The following SMYD5 variants were observed in gnomAD, a reference collection of about 807,000 sequenced individuals.
SMYD5 encodes the protein SMYD family member 5, also known as protein-lysine N-trimethyltransferase SMYD5.
Under a neutral mutation model 57.4 loss-of-function variants are expected in SMYD5, and 35 were observed. That is an observed-to-expected ratio of 0.61 (90% CI 0.47 to 0.81). The LOEUF (loss-of-function observed/expected upper bound fraction) is 0.81, where lower values mean the gene tolerates loss of function less well. Among genes scored for constraint, SMYD5 ranks in the 30% least tolerant of loss-of-function variants. The probability of loss-of-function intolerance (pLI) is 0.00; values close to 1 mark genes in which losing one functional copy is unlikely to be tolerated. For missense variants in SMYD5, 471 were observed against 527.9 expected (o/e 0.89, Z 1.06); for synonymous variants, 198 against 189.7 (o/e 1.04, Z -0.36).
At chr2:73,216,657 T>C (rs1315152781) in intron 1 of SMYD5, among the ~76,000 whole-genome samples, 2 of 152,182 alleles carry the variant, frequency 1.3e-5, no homozygotes. Flanking sequence ...GTCGTGCTAC[T>C]GCACTCCAGC....
At chr2:73,225,530 C>T (rs1686483295) in intron 11 of SMYD5, 101 bp from the exon 12 acceptor site, 20 of 1,123,766 alleles carry the variant, frequency 1.8e-5, no homozygotes, top group Non-Finnish European at 2.5e-5. Context: ...AACTTGGCTC[C>T]TAGAGATGGG....
chr2:73,224,598 C>T (rs1220115928), intron 10 of SMYD5, among the ~76,000 whole-genome samples: 1 of 152,178 alleles, frequency 6.6e-6, no homozygotes, highest in East Asian at 1.9e-4. Flanking sequence ...AGAGCCCTGT[C>T]CCTCCCTTTG....
chr2:73,226,322 CTGT>C lies in SMYD5; in HGVS notation c.*379_*381del, dbSNP rs975019300. 2 of 208,550 alleles carry C rather than the reference CTGT, an allele frequency of 9.6e-6. No individual in the cohort carries two copies. Among genetic ancestry groups the C allele is most frequent in the African/African-American group, 4.6e-5 (2 of 43,448 alleles). 12.9% of individuals were successfully genotyped at this position (208,550 alleles called of 1,614,324 possible). A position where few individuals can be genotyped will look rare whatever the true frequency, so the allele number is the denominator to read the frequency against. On this transcript the variant is annotated 3_prime_UTR_variant, in exon 13 of 13. Transcript: ENST00000389501. The stretch of plus-strand genomic sequence containing the variant: ...CTGAGGCTTCTCCCCTCTCAACTTG[CTGT>C]TGATTTCTTTTGAGGGGTAAAAGAA...
chr2:73,223,686 C>T (rs1294478269), intron 9 of SMYD5, among the ~76,000 whole-genome samples, 154 bp downstream of exon 9: 2 of 152,086 alleles, frequency 1.3e-5, no homozygotes, highest in African/African-American at 4.8e-5. Flanking sequence ...CCACAGGGCA[C>T]ACAGGTGAGA....
rs1306560742 is a variant in SMYD5, at chr2:73,221,040, C to G, written c.468-125C>G. The G allele has an allele frequency of 5.2e-6, 5 of 954,024 alleles. No individual in the cohort carries two copies. In the African/African-American group the frequency reaches 8.1e-5, roughly 15 times the overall value. 59.1% of individuals were successfully genotyped at this position (954,024 alleles called of 1,614,324 possible). On this transcript the variant is annotated intron_variant, in intron 4 of 12. Transcript: ENST00000389501. ...TGCAAAGTCTTGCCTAAGTCCTTGT[C>G]TATGACTTTCCTGGTAATTGATGGA...
Position 73,216,762 on chromosome 2 carries a change from G to T in SMYD5, c.97-2099G>T, listed in dbSNP as rs1247293582. On this transcript the variant is annotated intron_variant, in intron 1 of 12. Transcript: ENST00000389501. ...GCACTATTTTTTTTTATAGAGATGG[G>T]GTCTTGCTGTGTTGCCCAGGCTGGT... Among the ~76,000 whole-genome samples the T allele has an allele frequency of 2.0e-5, 3 of 152,022 alleles. 1 individual carries two copies. The highest frequency in any genetic ancestry group is 2.0e-4 in the Admixed American group (3 of 15,268).
rs571923902 is a variant in SMYD5 at position 73,219,404 on chromosome 2, G to A, written c.205+435G>A. 5.3e-5 allele frequency among the ~76,000 whole-genome samples: 8 copies of A among 152,160 alleles called. No homozygotes were observed. In the Middle Eastern group the frequency reaches 0.01, roughly 194 times the overall value. The stretch of plus-strand genomic sequence containing the variant: ...TTTTTGGGGTCTGGGGGAGGGGGAC[G>A]GAGTTTCGCTCTTGTCACCCAGGCT... On this transcript the variant is annotated intron_variant, in intron 2 of 12. Coordinates refer to ENST00000389501, the MANE Select transcript of SMYD5 (RefSeq NM_006062.3).
At chr2:73,222,531 G>A (rs1181219397) in intron 6 of SMYD5, among the ~76,000 whole-genome samples, 2 of 152,216 alleles carry the variant, frequency 1.3e-5, no homozygotes, top group African/African-American at 2.4e-5. Context: ...TACAAGTGCT[G>A]GAAAATGGAG....
chr2:73,226,213 C>G lies in SMYD5; in HGVS notation c.*267C>G. 1 of 499,288 alleles carries G rather than the reference C, an allele frequency of 2.0e-6. No homozygotes were observed. Among genetic ancestry groups the G allele is most frequent in the Admixed American group, 3.6e-5 (1 of 27,604 alleles). The allele number at this position is 499,288 out of a possible 1,614,324, so 30.9% of individuals were successfully genotyped here. On this transcript the variant is annotated 3_prime_UTR_variant, in exon 13 of 13. Transcript: ENST00000389501. ...GGCCTCCCCTTGAGGTTCCTCCACT[C>G]TAGGGTTTGAGGGGCTGGAATCAGG...
rs138461928 is a variant in SMYD5 at position 73,218,961 on chromosome 2, G to A, written c.197G>A (p.Arg66His). 686 of 1,611,916 alleles carry A rather than the reference G, an allele frequency of 4.3e-4. 9 individuals are homozygous for A. In the South Asian group the frequency reaches 4.3e-3, roughly 10 times the overall value. The change falls in exon 2 of 13, where the codon CGC (arginine) becomes CAC (histidine). Residue 66 changes from arginine (R) to histidine (H), a missense_variant. Physicochemically the swap from Arg to His is conservative, Grantham distance 29. Coordinates refer to ENST00000389501, the MANE Select transcript of SMYD5 (RefSeq NM_006062.3). Reference sequence around the variant, plus strand: ...CAGTTTCTCTGGAATGCACTTTATCGCTACCGAGGTGAGTACATCTCTCCT... The same window carrying A: ...CAGTTTCTCTGGAATGCACTTTATCACTACCGAGGTGAGTACATCTCTCCT... The part of the protein sequence containing the change: ...AAQFLWNALY[R>H]YRACDHCLRA...
intron 2 of SMYD5, among the ~76,000 whole-genome samples, chr2:73,219,376 C>CT (rs1307915791): frequency 1.3e-5 from 2 of 151,988 alleles, no homozygotes; most frequent in African/African-American, 4.8e-5. Flanking sequence ...TCACACTTTT[C>CT]TTTTTTTGGG....
intron 11 of SMYD5, 103 bp downstream of exon 11, chr2:73,225,063 T>G (rs1686473728): frequency 1.2e-6 from 1 of 807,542 alleles, no homozygotes; most frequent in African/African-American, 1.7e-5. Flanking sequence ...AAGTTCAGGC[T>G]GTTGGGTGGA....
At position 73,215,219 on chromosome 2, in the gene SMYD5, G is replaced by C. The variant is rs555293642; in HGVS notation, c.96+857G>C. 2.0e-5 allele frequency among the ~76,000 whole-genome samples: 3 copies of C among 152,246 alleles called. No individual in the cohort carries two copies. The South Asian group carries it at 6.2e-4, about 32-fold the overall frequency. The stretch of plus-strand genomic sequence containing the variant: ...TTCTGTGCAAACATCCTCTTGTTTT[G>C]TCCAGCAGTATTTTTTTCCTAGTTA... On this transcript the variant is annotated intron_variant, in intron 1 of 12. Transcript: ENST00000389501.
At chr2:73,221,339 C>A in intron 5 of SMYD5, 105 bp downstream of exon 5, 1 of 901,512 alleles carries the variant, frequency 1.1e-6, no homozygotes, top group Non-Finnish European at 1.8e-6. Context: ...CAGAGTTCTT[C>A]CTGGCCTTCC....
In SMYD5 at chr2:73,220,144, T is replaced by A. The variant is rs1487967921; in HGVS notation, c.299T>A (p.Leu100Gln). The A allele has an allele frequency of 3.1e-6, 5 of 1,614,060 alleles. No homozygotes were observed. The highest frequency in any genetic ancestry group is 4.2e-6 in the Non-Finnish European group (5 of 1,180,038). Residue 100 changes from leucine (L) to glutamine (Q), a missense_variant, in exon 3 of 13, where the codon CTG (leucine) becomes CAG (glutamine). Coordinates refer to ENST00000389501, the MANE Select transcript of SMYD5 (RefSeq NM_006062.3). ...GGCCAGGTTCTGCCTCACCCAGAGC[T>A]GTGCACTGTGCGCAAAGACCTCCAC... ...KPGQVLPHPE[L>Q]CTVRKDLHQN...
intron 6 of SMYD5, among the ~76,000 whole-genome samples, chr2:73,222,342 G>T (rs1238735868): frequency 6.6e-6 from 1 of 152,202 alleles, no homozygotes; most frequent in Non-Finnish European, 1.5e-5. Flanking sequence ...AGACTTCCCT[G>T]CAGGAGCTGC....
chr2:73,220,644 T>G lies in SMYD5; in HGVS notation c.346-17T>G, dbSNP rs763662007. ...AGGGCCAGATCCTTGGGTACTGACC[T>G]CTATCCCACCTAACAGGTGATGTAC... On this transcript the variant is annotated splice_polypyrimidine_tract_variant and intron_variant, in intron 3 of 12. Coordinates refer to ENST00000389501, the MANE Select transcript of SMYD5 (RefSeq NM_006062.3). 1.2e-6 allele frequency: 2 copies of G among 1,613,892 alleles called. No individual in the cohort carries two copies. The highest frequency in any genetic ancestry group is 1.7e-6 in the Non-Finnish European group (2 of 1,179,954).
intron 10 of SMYD5, among the ~76,000 whole-genome samples, chr2:73,224,650 A>G (rs187389615): frequency 1.3e-5 from 2 of 152,318 alleles, no homozygotes; most frequent in East Asian, 3.9e-4. Flanking sequence ...TTGGCCAGTC[A>G]CAGCGAGTTG....
At position 73,224,978 on chromosome 2, in the gene SMYD5, C is replaced by T; in HGVS notation, c.1035+18C>T. On this transcript the variant is annotated intron_variant, in intron 11 of 12. Transcript: ENST00000389501. ...CAGGAGAGGTGAGGGGGACCAGGAA[C>T]CGTCGGGATGGGTGGGCAGTAGGCC... 1 of 1,594,436 alleles carries T rather than the reference C, an allele frequency of 6.3e-7. No individual in the cohort carries two copies. The highest frequency in any genetic ancestry group is 8.6e-7 in the Non-Finnish European group (1 of 1,163,010).
Sources: allele counts gnomAD v4.1 joint callset (sites outside exome capture counted in the v4.1 genomes callset), GRCh38; gene constraint gnomAD v4.1.1; transcripts MANE v1.5; gene names NCBI Gene and HGNC (gene_info 2026-07-23, HGNC 2026-07-21).